PTH2R: variants seen among roughly 807,000 people sequenced by gnomAD.
PTH2R encodes parathyroid hormone 2 receptor, also known as PTH2 receptor.
A neutral mutation model predicts 60.3 loss-of-function variants in PTH2R; 59 were observed. The observed-to-expected ratio is 0.98, with a 90% CI of 0.79 to 1.22. The LOEUF (loss-of-function observed/expected upper bound fraction) is 1.22. Ranked by LOEUF, PTH2R falls within the 50% of genes most tolerant of loss-of-function variation. PTH2R has a pLI of 0.00. For synonymous variants in PTH2R, 256 were observed against 243.8 expected (o/e 1.05, Z -0.47); for missense variants, 749 against 682.6 (o/e 1.10, Z -1.08).
At chr2:208,381,505 C>A (rs1187997320) in intron 1 of PTH2R, among the ~76,000 whole-genome samples, 1 of 152,092 alleles carries the variant, frequency 6.6e-6, no homozygotes, top group East Asian at 1.9e-4. Context: ...TCACTGCAGC[C>A]TCAAACTCTT....
intron 1 of PTH2R, among the ~76,000 whole-genome samples, chr2:208,418,040 G>C (rs1486664696): frequency 1.3e-5 from 2 of 151,992 alleles, no homozygotes; most frequent in African/African-American, 4.8e-5. Flanking sequence ...ACTAAAAAGA[G>C]TTCAGTAATG....
In PTH2R at chr2:208,489,030, A is replaced by T; in HGVS notation, c.1095A>T (p.Thr365=). 1.2e-6 allele frequency: 2 copies of T among 1,613,936 alleles called. No individual in the cohort carries two copies. The highest frequency in any genetic ancestry group is 1.6e-4 in the Middle Eastern group (1 of 6,062). Residue 365 remains threonine, a synonymous_variant, in exon 11 of 13, where the codon ACA becomes ACT. Coordinates refer to ENST00000272847, the MANE Select transcript of PTH2R (RefSeq NM_005048.4). ...CCTTTAGGAAACTGGCCAAATCGACACTGGTCCTGGTCCTAGTCTTTGGAG... is the reference window on the plus strand; with the variant it reads ...CCTTTAGGAAACTGGCCAAATCGACTCTGGTCCTGGTCCTAGTCTTTGGAG... ...RKQYRKLAKS[T]LVLVLVFGVH...
In PTH2R at chr2:208,437,609, T is replaced by C. The variant is rs760495043; in HGVS notation, c.251T>C (p.Val84Ala). ...GGAACAGTGGGGAAAATATCGGCTG[T>C]TCCATGCCCTCCTTATATTTATGAC... Reference protein sequence around the residue: ...PRGTVGKISAVPCPPYIYDFN... With the variant: ...PRGTVGKISAAPCPPYIYDFN... The change falls in exon 3 of 13, where the codon GTT (valine) becomes GCT (alanine). Residue 84 changes from valine (V) to alanine (A), a missense_variant. Val to Ala is a moderately conservative substitution (Grantham distance 64). Coordinates refer to ENST00000272847, the MANE Select transcript of PTH2R (RefSeq NM_005048.4). The C allele has an allele frequency of 1.2e-6, 2 of 1,613,394 alleles. No individual in the cohort carries two copies. The highest frequency in any genetic ancestry group is 2.2e-5 in the South Asian group (2 of 90,988).
At chr2:208,389,299 A>G (rs770649478) in intron 1 of PTH2R, among the ~76,000 whole-genome samples, 8 of 151,776 alleles carry the variant, frequency 5.3e-5, no homozygotes, top group Admixed American at 1.3e-4. Context: ...CAGATTGTCT[A>G]TACTCCTTGG....
intron 1 of PTH2R, among the ~76,000 whole-genome samples, chr2:208,397,126 A>C (rs1044939159): frequency 6.6e-6 from 1 of 152,076 alleles, no homozygotes; most frequent in African/African-American, 2.4e-5. Flanking sequence ...GGACACAGGG[A>C]AGGGAATATC....
chr2:208,404,721 C>T (rs1273482057), upstream of PTH2R, among the ~76,000 whole-genome samples: 8 of 152,166 alleles, frequency 5.3e-5, no homozygotes, highest in Non-Finnish European at 1.0e-4. Flanking sequence ...CAAAAACCCT[C>T]GCCTTGGGGA....
chr2:208,484,361 A>G (rs1240106267), intron 10 of PTH2R, among the ~76,000 whole-genome samples: 3 of 152,236 alleles, frequency 2.0e-5, no homozygotes, highest in Non-Finnish European at 4.4e-5. Flanking sequence ...AGATAATTGT[A>G]GATTCACATA....
chr2:208,374,744 G>C (rs911147419), intron 1 of PTH2R, among the ~76,000 whole-genome samples: 1 of 152,048 alleles, frequency 6.6e-6, no homozygotes, highest in Non-Finnish European at 1.5e-5. Context: ...GACCTCAGGT[G>C]ATCTGCCTGC....
chr2:208,493,920 A>T lies in PTH2R; in HGVS notation c.*261A>T, dbSNP rs71579839. 6.7e-5 allele frequency: 20 copies of T among 297,270 alleles called. 2 individuals are homozygous for T. The South Asian group carries it at 3.1e-3, about 47-fold the overall frequency. 18.4% of individuals were successfully genotyped at this position (297,270 alleles called of 1,614,324 possible). On this transcript the variant is annotated 3_prime_UTR_variant, in exon 13 of 13. Transcript: ENST00000272847. The stretch of plus-strand genomic sequence containing the variant: ...TATGGTATTTGCTCTGTGATTGTTC[A>T]TTTTTTTCTGCTACTTTTGGGTAGA...
chr2:208,438,732 C>T (rs537971803), intron 4 of PTH2R, among the ~76,000 whole-genome samples: 33 of 152,170 alleles, frequency 2.2e-4, no homozygotes, highest in South Asian at 2.1e-3. Context: ...ATAAACTCTT[C>T]GAATTTTTGA....
intron 1 of PTH2R, among the ~76,000 whole-genome samples, chr2:208,427,501 A>G (rs1352890080): frequency 6.6e-6 from 1 of 152,212 alleles, no homozygotes; most frequent in African/African-American, 2.4e-5. Flanking sequence ...TCTAAAAAAA[A>G]AATCGTTAAA....
chr2:208,462,518 T>G (rs1199566756), intron 9 of PTH2R, among the ~76,000 whole-genome samples: 1 of 152,300 alleles, frequency 6.6e-6, no homozygotes, highest in Admixed American at 6.5e-5. Context: ...GAGGATCAAC[T>G]TGAAGCACAC....
intron 9 of PTH2R, among the ~76,000 whole-genome samples, chr2:208,480,229 T>C (rs773705090): frequency 6.6e-6 from 1 of 152,226 alleles, no homozygotes; most frequent in Non-Finnish European, 1.5e-5. Flanking sequence ...CAGGACTTGA[T>C]GGCTTTCTCT....
chr2:208,481,549 T>C (rs963857676), intron 10 of PTH2R, among the ~76,000 whole-genome samples: 14 of 152,274 alleles, frequency 9.2e-5, no homozygotes, highest in Admixed American at 3.3e-4. Flanking sequence ...TATAAATTGA[T>C]TTGAAATATC....
upstream of PTH2R, among the ~76,000 whole-genome samples, chr2:208,406,487 C>T (rs561833438): frequency 2.0e-5 from 3 of 152,298 alleles, no homozygotes; most frequent in East Asian, 3.9e-4. Context: ...TATCGCTGTC[C>T]TCGGGGCCGA....
chr2:208,413,397 G>A (rs1159389668), intron 1 of PTH2R, among the ~76,000 whole-genome samples: 3 of 152,128 alleles, frequency 2.0e-5, no homozygotes, highest in African/African-American at 4.8e-5. Flanking sequence ...ACCAGAGACA[G>A]CATTTGACAC....
rs1703041356 is a variant in PTH2R, at chr2:208,477,788, CA to C, written c.982-3280del. The stretch of plus-strand genomic sequence containing the variant: ...GCTTTGTTTTGTCTGTAGTTTGCTT[CA>C]AGCAAAATTTTTCCTACATGAAGTT... On this transcript the variant is annotated intron_variant, in intron 9 of 12. Coordinates refer to ENST00000272847, the MANE Select transcript of PTH2R (RefSeq NM_005048.4). Among the ~76,000 whole-genome samples, 6 of 151,664 alleles carry C rather than the reference CA, an allele frequency of 4.0e-5. 1 individual carries two copies. In the South Asian group the frequency reaches 1.3e-3, roughly 32 times the overall value.
At chr2:208,476,034 C>T (rs1212220839) in intron 9 of PTH2R, among the ~76,000 whole-genome samples, 1 of 151,898 alleles carries the variant, frequency 6.6e-6, no homozygotes, top group Non-Finnish European at 1.5e-5. Flanking sequence ...CATACCTGTC[C>T]CAAGGTATCT....
chr2:208,388,144 G>A (rs1292173040), intron 1 of PTH2R, among the ~76,000 whole-genome samples: 8 of 45,506 alleles, frequency 1.8e-4, no homozygotes, highest in East Asian at 1.1e-3. Context: ...CCCCCCCCCC[G>A]TCTCTACTAA....
Sources: gnomAD v4.1 joint callset for allele counts (sites outside exome capture counted in the v4.1 genomes callset) on GRCh38, gnomAD v4.1.1 for gene constraint, MANE v1.5 for transcripts, NCBI Gene and HGNC (gene_info 2026-07-23, HGNC 2026-07-21) for gene names.